SPSB4: variants seen among roughly 807,000 people sequenced by gnomAD.
SPSB4 encodes splA/ryanodine receptor domain and SOCS box containing 4.
In SPSB4, 21 loss-of-function variants were observed where a neutral mutation model predicts 20.9. That is an observed-to-expected ratio of 1.01 (90% CI 0.71 to 1.45). The LOEUF (loss-of-function observed/expected upper bound fraction) is 1.45. Ranked by LOEUF, SPSB4 falls within the 40% of genes most tolerant of loss-of-function variation. The probability of loss-of-function intolerance (pLI) is 0.00; values close to 1 mark genes in which losing one functional copy is unlikely to be tolerated. For synonymous variants in SPSB4, 207 were observed against 183.8 expected, an observed-to-expected ratio of 1.13 and a Z score of -1.02; for missense variants, 399 against 399.2, an observed-to-expected ratio of 1.00 and a Z score of 0.00.
intron 2 of SPSB4, among the ~76,000 whole-genome samples, chr3:141,133,968 C>G (rs960136061): frequency 6.8e-6 from 1 of 148,066 alleles, no homozygotes. Context: ...GTAGTTTTCC[C>G]TGTGGAAATC....
At chr3:141,053,352 A>G (rs979830196) in intron 1 of SPSB4, among the ~76,000 whole-genome samples, 3 of 152,206 alleles carry the variant, frequency 2.0e-5, no homozygotes, top group Admixed American at 6.5e-5. Flanking sequence ...ATTTTTAAAA[A>G]TGGTAATGAA....
At chr3:141,104,721 C>T (rs1938662817) in intron 2 of SPSB4, among the ~76,000 whole-genome samples, 1 of 152,206 alleles carries the variant, frequency 6.6e-6, no homozygotes, top group African/African-American at 2.4e-5. Flanking sequence ...GCGGCCGGCC[C>T]ATCACAAGTG....
intron 2 of SPSB4, among the ~76,000 whole-genome samples, chr3:141,082,745 C>A (rs4683547): frequency 0.16 from 24,657 of 152,024 alleles, 2,433 homozygotes; most frequent in East Asian, 0.25. Context: ...AGGCTGTGAA[C>A]GGCTGAAAGG....
intron 2 of SPSB4, among the ~76,000 whole-genome samples, chr3:141,105,094 C>T (rs1367233881): frequency 2.0e-5 from 3 of 152,216 alleles, no homozygotes; most frequent in East Asian, 3.8e-4. Context: ...ATATCTTTAG[C>T]ACCATACATT....
At chr3:141,095,433 C>T (rs1938532315) in intron 2 of SPSB4, among the ~76,000 whole-genome samples, 1 of 152,126 alleles carries the variant, frequency 6.6e-6, no homozygotes, top group African/African-American at 2.4e-5. Context: ...CTTATTCATT[C>T]CCCACTCACC....
At chr3:141,064,214 C>G (rs967224332) in intron 1 of SPSB4, among the ~76,000 whole-genome samples, 1 of 152,242 alleles carries the variant, frequency 6.6e-6, no homozygotes, top group Non-Finnish European at 1.5e-5. Flanking sequence ...TATTTTTGAT[C>G]TTCACTGCTT....
intron 2 of SPSB4, among the ~76,000 whole-genome samples, chr3:141,081,532 C>T (rs1488733818): frequency 6.6e-6 from 1 of 151,954 alleles, no homozygotes; most frequent in Non-Finnish European, 1.5e-5. Flanking sequence ...GGCTGCAGGA[C>T]CAGAAAACCT....
At chr3:141,119,655 C>T (rs1437230086) in intron 2 of SPSB4, among the ~76,000 whole-genome samples, 1 of 151,616 alleles carries the variant, frequency 6.6e-6, no homozygotes, top group East Asian at 1.9e-4. Context: ...ATTATTTATC[C>T]AGGAATTTAT....
chr3:141,069,913 A>G (rs2107781046), intron 2 of SPSB4, among the ~76,000 whole-genome samples: 1 of 152,296 alleles, frequency 6.6e-6, no homozygotes, highest in South Asian at 2.1e-4. Context: ...AATTTTTATT[A>G]CGGTAAAAGC....
rs182260990 is a variant in SPSB4 at position 141,104,080 on chromosome 3, A to G, written c.694+37282A>G. ...TGATCTCAGCAGTGAAATAAATAAT[A>G]CCAGCATTAAACTATAAAGCAGCCC... On this transcript the variant is annotated intron_variant, in intron 2 of 2. Transcript: ENST00000310546. Among the ~76,000 whole-genome samples the G allele has an allele frequency of 2.3e-3, 347 of 152,326 alleles. 1 individual carries two copies. The highest frequency in any genetic ancestry group is 8.1e-3 in the African/African-American group (336 of 41,566).
chr3:141,135,294 T>G (rs963347417), intron 2 of SPSB4, among the ~76,000 whole-genome samples: 3 of 151,852 alleles, frequency 2.0e-5, no homozygotes, highest in African/African-American at 7.3e-5. Flanking sequence ...CGTAATTTAT[T>G]TATCTACTCT....
At chr3:141,063,012 C>T (rs1345431448) in intron 1 of SPSB4, among the ~76,000 whole-genome samples, 1 of 152,166 alleles carries the variant, frequency 6.6e-6, no homozygotes, top group Non-Finnish European at 1.5e-5. Context: ...CTGTCTAAGG[C>T]CCCTCCTTAT....
At chr3:141,086,566 A>T (rs1010697715) in intron 2 of SPSB4, among the ~76,000 whole-genome samples, 1 of 152,236 alleles carries the variant, frequency 6.6e-6, no homozygotes, top group Non-Finnish European at 1.5e-5. Context: ...CTCTTTGGCC[A>T]TGGTACAGTA....
At chr3:141,068,163 G>C (rs1442771772) in intron 2 of SPSB4, among the ~76,000 whole-genome samples, 1 of 152,258 alleles carries the variant, frequency 6.6e-6, no homozygotes, top group Non-Finnish European at 1.5e-5. Flanking sequence ...AAGGGTGGCA[G>C]GCTAATGGAA....
chr3:141,127,435 T>C (rs1939066010), intron 2 of SPSB4, among the ~76,000 whole-genome samples: 1 of 152,226 alleles, frequency 6.6e-6, no homozygotes, highest in Admixed American at 6.5e-5. Context: ...CCCTTGGGCC[T>C]GGTTCAGCCC....
At chr3:141,061,145 A>C (rs1399745331) in intron 1 of SPSB4, among the ~76,000 whole-genome samples, 3 of 152,180 alleles carry the variant, frequency 2.0e-5, no homozygotes, top group Non-Finnish European at 4.4e-5. Flanking sequence ...GTTTTTAAAA[A>C]TTTAGTTACT....
intron 2 of SPSB4, among the ~76,000 whole-genome samples, chr3:141,136,902 T>C (rs1299477830): frequency 1.3e-5 from 2 of 152,222 alleles, no homozygotes; most frequent in African/African-American, 4.8e-5. Context: ...TTGATGGGGA[T>C]GGCATTGAAT....
chr3:141,126,013 A>G (rs1290538836), intron 2 of SPSB4, among the ~76,000 whole-genome samples: 1 of 152,094 alleles, frequency 6.6e-6, no homozygotes, highest in African/African-American at 2.4e-5. Flanking sequence ...GGTTTGAAAG[A>G]CCTACCTGAG....
chr3:141,064,612 G>A (rs1388189273), intron 1 of SPSB4, among the ~76,000 whole-genome samples: 2 of 152,148 alleles, frequency 1.3e-5, no homozygotes, highest in Non-Finnish European at 1.5e-5. Context: ...CTTTGGCTAG[G>A]GGTGTACCAC....
Sources: allele counts gnomAD v4.1 joint callset (sites outside exome capture counted in the v4.1 genomes callset), GRCh38; gene constraint gnomAD v4.1.1; transcripts MANE v1.5; gene names NCBI Gene and HGNC (gene_info 2026-07-23, HGNC 2026-07-21).